LIX1L: variants seen among roughly 807,000 people sequenced by gnomAD.
LIX1L encodes the protein LIX1-like protein.
LIX1L carries 20 observed loss-of-function variants against 34.0 expected under a neutral mutation model. The observed-to-expected ratio is 0.59, with a 90% confidence interval of 0.41 to 0.85. The LOEUF is 0.85. LIX1L is among the 40% of genes least tolerant of loss of function. The pLI is 0.00. For missense variants in LIX1L, 397 were observed against 447.0 expected (o/e 0.89, Z 1.01); for synonymous variants, 170 against 187.4 (o/e 0.91, Z 0.76).
chr1:145,957,795 C>T lies in LIX1L; in HGVS notation c.133G>A (p.Ala45Thr). The change falls in exon 1 of 6, where the codon GCC becomes ACC. Residue 45 changes from alanine (A) to threonine (T), a missense_variant. Around this residue, in one of 3 missense-constraint regions of LIX1L, gnomAD observed 207 missense variants for 205.2 expected, o/e 1.01. Transcript: ENST00000604000. ...TATPPAGPPP[A>T]PPPPAPPPPP... ...GGGGGCGGTGCGGGAGGCGGCGGGG[C>T]AGGCGGGGGGCCCGCAGGGGGTGTG... 7.4e-7 allele frequency: 1 copy of T among 1,345,996 alleles called. No homozygotes were observed. Among genetic ancestry groups the T allele is most frequent in the Non-Finnish European group, 9.5e-7 (1 of 1,055,588 alleles). The allele number at this position is 1,345,996 out of a possible 1,614,324, so 83.4% of individuals were successfully genotyped here.
chr1:145,943,680 C>CT (rs1300108450), intron 2 of LIX1L, among the ~76,000 whole-genome samples: 1 of 152,120 alleles, frequency 6.6e-6, no homozygotes, highest in Non-Finnish European at 1.5e-5. Flanking sequence ...TCAAAGGCCT[C>CT]TTTGCCCTAT....
rs1439457853 is a variant in LIX1L, at chr1:145,936,345, C to T, written c.979G>A (p.Gly327Arg). Residue 327 changes from glycine (G) to arginine (R), a missense_variant, in exon 6 of 6, where the codon GGG (glycine) becomes AGG (arginine). Transcript: ENST00000604000. ...GAAGAATGCATATTGCCCAACTGCCCAGCAGCCAGCACAAGAATATCTTTC... is the reference window on the plus strand; with the variant it reads ...GAAGAATGCATATTGCCCAACTGCCTAGCAGCCAGCACAAGAATATCTTTC... ...EKKDILVLAAGQLGNMHSSNC is the reference protein window; with the variant it reads ...EKKDILVLAARQLGNMHSSNC 2 of 1,614,002 alleles carry T rather than the reference C, an allele frequency of 1.2e-6. No homozygotes were observed. Among genetic ancestry groups the T allele is most frequent in the Non-Finnish European group, 1.7e-6 (2 of 1,180,036 alleles).
intron 4 of LIX1L, 47 bp downstream of exon 4, chr1:145,937,557 C>T: frequency 8.9e-7 from 1 of 1,126,354 alleles, no homozygotes; most frequent in Non-Finnish European, 1.3e-6. Context: ...ATTACAGTAG[C>T]AGGCTGACCC....
Position 145,942,712 on chromosome 1 carries a change from C to G in LIX1L, c.597+1G>C. 1 of 1,613,960 alleles carries G rather than the reference C, an allele frequency of 6.2e-7. No homozygotes were observed. Among genetic ancestry groups the G allele is most frequent in the Non-Finnish European group, 8.5e-7 (1 of 1,179,956 alleles). ...CTTCCTTCCAGCTCCATACAACTTA[C>G]ATTAAAAGATGCCAGGGCCTCAGAG... On this transcript the variant is annotated splice_donor_variant, in intron 3 of 5. Coordinates refer to ENST00000604000, the MANE Select transcript of LIX1L (RefSeq NM_153713.3). LOFTEE classifies it high-confidence loss of function.
Position 145,936,313 on chromosome 1 carries a change from G to C in LIX1L, c.1011C>G (p.Cys337Trp), listed in dbSNP as rs1553757789. 2 of 1,613,912 alleles carry C rather than the reference G, an allele frequency of 1.2e-6. No homozygotes were observed. Among genetic ancestry groups the C allele is most frequent in the Non-Finnish European group, 1.7e-6 (2 of 1,179,916 alleles). The change falls in exon 6 of 6, where the codon TGC becomes TGG. Residue 337 changes from cysteine to tryptophan, a missense_variant. Around this residue, in one of 3 missense-constraint regions of LIX1L, gnomAD observed 174 missense variants for 204.0 expected, o/e 0.85. Transcript: ENST00000604000. ...GQLGNMHSSNC is the reference protein window; with the variant it reads ...GQLGNMHSSNW ...GGGGAGTTATGTGGGTGGATGCCTA[G>C]CAGTTGGAAGAATGCATATTGCCCA...
intron 3 of LIX1L, among the ~76,000 whole-genome samples, chr1:145,938,584 CTTTT>C (rs56063107): frequency 6.9e-6 from 1 of 145,888 alleles, no homozygotes. Flanking sequence ...TAAAAATTTC[CTTTT>C]TTTTTTTTTG....
intron 1 of LIX1L, among the ~76,000 whole-genome samples, chr1:145,957,238 A>G (rs1649501735): frequency 6.6e-6 from 1 of 152,216 alleles, no homozygotes; most frequent in Non-Finnish European, 1.5e-5. Flanking sequence ...CAGAGATCAC[A>G]GAGGAAAGAC....
intron 3 of LIX1L, among the ~76,000 whole-genome samples, chr1:145,940,583 G>GCTCTGTC (rs1450943788): frequency 1.6e-5 from 2 of 124,452 alleles, no homozygotes; most frequent in Admixed American, 2.1e-4. Context: ...ACACAGTCTC[G>GCTCTGTC]CTCTGTCACC....
At chr1:145,937,119 G>T in intron 4 of LIX1L, 134 bp from the exon 5 acceptor site, 1 of 376,892 alleles carries the variant, frequency 2.7e-6, no homozygotes, top group Non-Finnish European at 4.8e-6. Flanking sequence ...AGGCCTTTGG[G>T]GAAGAAAAAT....
chr1:145,945,624 T>C (rs903545392), intron 2 of LIX1L, among the ~76,000 whole-genome samples: 2 of 151,560 alleles, frequency 1.3e-5, no homozygotes, highest in Non-Finnish European at 2.9e-5. Context: ...GGCAGGTGCC[T>C]GTACTCCCAG....
intron 3 of LIX1L, among the ~76,000 whole-genome samples, chr1:145,941,507 C>T (rs1648915986): frequency 6.6e-6 from 1 of 152,194 alleles, no homozygotes; most frequent in African/African-American, 2.4e-5. Flanking sequence ...CCTGCCTCAG[C>T]CTCCCAAAGT....
At chr1:145,940,611 C>T (rs1648874720) in intron 3 of LIX1L, among the ~76,000 whole-genome samples, 4 of 137,954 alleles carry the variant, frequency 2.9e-5, no homozygotes, top group East Asian at 2.1e-4. Flanking sequence ...AGTGCAATGG[C>T]GTGATCTCGG....
intron 1 of LIX1L, among the ~76,000 whole-genome samples, chr1:145,952,790 T>C (rs1374381373): frequency 6.6e-6 from 1 of 152,128 alleles, no homozygotes; most frequent in Non-Finnish European, 1.5e-5. Context: ...TTTGTATTTT[T>C]AGTAGAGACG....
At chr1:145,938,451 C>T (rs964729654) in intron 3 of LIX1L, among the ~76,000 whole-genome samples, 4 of 152,132 alleles carry the variant, frequency 2.6e-5, no homozygotes, top group Non-Finnish European at 2.9e-5. Context: ...CTACAAATAG[C>T]GTGGCCTTGG....
chr1:145,936,014 T>C lies in LIX1L; in HGVS notation c.*296A>G. On this transcript the variant is annotated 3_prime_UTR_variant, in exon 6 of 6. Coordinates refer to ENST00000604000, the MANE Select transcript of LIX1L (RefSeq NM_153713.3). ...ATGAACACTAGAGTTAATCTTTTAGTGCTACTGAAATGGCTACACAGTTAA... is the reference window on the plus strand; with the variant it reads ...ATGAACACTAGAGTTAATCTTTTAGCGCTACTGAAATGGCTACACAGTTAA... 5.6e-6 allele frequency: 2 copies of C among 359,240 alleles called. No homozygotes were observed. Among genetic ancestry groups the C allele is most frequent in the Non-Finnish European group, 5.1e-6 (1 of 195,542 alleles). The allele number at this position is 359,240 out of a possible 1,614,324, so 22.3% of individuals were successfully genotyped here. A position where few individuals can be genotyped will look rare whatever the true frequency, so the allele number is the denominator to read the frequency against.
At chr1:145,940,491 C>T (rs1648863571) in intron 3 of LIX1L, among the ~76,000 whole-genome samples, 2 of 150,272 alleles carry the variant, frequency 1.3e-5, no homozygotes, top group African/African-American at 4.9e-5. Flanking sequence ...GCATTACAGG[C>T]ATGTGCCACA....
intron 1 of LIX1L, among the ~76,000 whole-genome samples, chr1:145,952,918 T>C (rs587628889): frequency 1.6e-4 from 23 of 145,300 alleles, no homozygotes; most frequent in African/African-American, 5.8e-4. Context: ...ACCTAAAACA[T>C]TTTTTTTTTT....
intron 5 of LIX1L, 50 bp from the exon 6 acceptor site, chr1:145,936,602 T>C (rs1553757860): frequency 6.2e-7 from 1 of 1,606,366 alleles, no homozygotes; most frequent in Non-Finnish European, 8.5e-7. Context: ...AAGGTTCATA[T>C]CATACCACAC....
At chr1:145,941,344 CCAGGTT>C (rs1648908336) in intron 3 of LIX1L, 1 of 151,710 alleles carries the variant, frequency 6.6e-6, no homozygotes, top group Admixed American at 6.6e-5. Context: ...CCTCTGCCTC[CCAGGTT>C]CAAGCAATTC....
Sources: gnomAD v4.1 joint callset for allele counts (sites outside exome capture counted in the v4.1 genomes callset) on GRCh38, gnomAD v4.1.1 for gene constraint, gnomAD v4.1.1 regional missense constraint, MANE v1.5 for transcripts, NCBI Gene and HGNC (gene_info 2026-07-23, HGNC 2026-07-21) for gene names.